The following UTRN variants were observed in gnomAD, a reference collection of about 807,000 sequenced individuals.
UTRN encodes dystrophin-related protein 1.
A neutral mutation model predicts 463.9 loss-of-function variants in UTRN; 283 were observed. The observed-to-expected ratio is 0.61, with a 90% CI of 0.55 to 0.67. The LOEUF is 0.67. Among genes scored for constraint, UTRN ranks in the 30% least tolerant of loss-of-function variants. The probability of loss-of-function intolerance (pLI) is 0.00; values close to 1 mark genes in which losing one functional copy is unlikely to be tolerated. For synonymous variants in UTRN, 1,442 were observed against 1,431.5 expected (o/e 1.01, Z -0.17); for missense variants, 3,922 against 4,084.3 (o/e 0.96, Z 1.08).
intron 32 of UTRN, among the ~76,000 whole-genome samples, chr6:144,492,700 A>G (rs530770632): frequency 6.6e-6 from 1 of 152,292 alleles, no homozygotes; most frequent in Non-Finnish European, 1.5e-5. Context: ...TGACTTTTTA[A>G]TAATGGTCAT....
intron 55 of UTRN, among the ~76,000 whole-genome samples, chr6:144,750,989 G>A (rs1182871377): frequency 6.6e-6 from 1 of 152,068 alleles, no homozygotes; most frequent in Non-Finnish European, 1.5e-5. Flanking sequence ...CACTCTTCCT[G>A]CCCAAGCCCT....
At chr6:144,597,373 A>G (rs1338261056) in intron 51 of UTRN, among the ~76,000 whole-genome samples, 1 of 152,222 alleles carries the variant, frequency 6.6e-6, no homozygotes, top group Non-Finnish European at 1.5e-5. Flanking sequence ...AAAGCTAGGC[A>G]TGCCTACTAT....
chr6:144,718,200 G>C (rs1786719258), intron 53 of UTRN, among the ~76,000 whole-genome samples: 1 of 152,094 alleles, frequency 6.6e-6, no homozygotes, highest in African/African-American at 2.4e-5. Flanking sequence ...GCTGGGAGTG[G>C]TGCTCACACC....
chr6:144,824,928 A>T (rs1371251201), intron 66 of UTRN, among the ~76,000 whole-genome samples: 1 of 151,962 alleles, frequency 6.6e-6, no homozygotes, highest in African/African-American at 2.4e-5. Flanking sequence ...GACTATAGGC[A>T]TCATGACACC....
At chr6:144,592,674 A>G (rs971050484) in intron 51 of UTRN, among the ~76,000 whole-genome samples, 3 of 152,132 alleles carry the variant, frequency 2.0e-5, no homozygotes, top group African/African-American at 4.8e-5. Flanking sequence ...CAGCCAATGA[A>G]AAGCTTTTGA....
chr6:144,560,161 A>C (rs1799735569), intron 50 of UTRN, among the ~76,000 whole-genome samples: 1 of 152,210 alleles, frequency 6.6e-6, no homozygotes, highest in Non-Finnish European at 1.5e-5. Context: ...TGAAGTACAG[A>C]GAAGTTAAGG....
chr6:144,408,752 T>G (rs1783633381), intron 3 of UTRN, among the ~76,000 whole-genome samples: 1 of 152,256 alleles, frequency 6.6e-6, no homozygotes, highest in African/African-American at 2.4e-5. Flanking sequence ...GTTTTCCTAC[T>G]TTTTTCATGT....
chr6:144,543,973 C>CA (rs1798195073), intron 46 of UTRN, among the ~76,000 whole-genome samples: 1 of 152,120 alleles, frequency 6.6e-6, no homozygotes, highest in Non-Finnish European at 1.5e-5. Context: ...TGCTGCTTTG[C>CA]AAATACAGGC....
intron 51 of UTRN, among the ~76,000 whole-genome samples, chr6:144,622,265 C>G (rs986283714): frequency 6.9e-6 from 1 of 145,460 alleles, no homozygotes; most frequent in Non-Finnish European, 1.5e-5. Flanking sequence ...TCACTGCCAC[C>G]TCCGCCTCCC....
intron 1 of UTRN, among the ~76,000 whole-genome samples, chr6:144,288,321 A>G (rs1412346617): frequency 6.6e-6 from 1 of 152,250 alleles, no homozygotes; most frequent in Non-Finnish European, 1.5e-5. Flanking sequence ...GATAATGGGC[A>G]AATGGAATAA....
rs560581181 is a variant in UTRN, at chr6:144,347,837, G to GTTTTTTTTTTTTTT, written c.80-55274_80-55273insTTTTTTTTTTTTTT. 2.0e-3 allele frequency among the ~76,000 whole-genome samples: 261 copies of GTTTTTTTTTTTTTT among 128,864 alleles called. 24 individuals are homozygous for GTTTTTTTTTTTTTT. Among genetic ancestry groups the GTTTTTTTTTTTTTT allele is most frequent in the African/African-American group, 7.9e-3 (232 of 29,442 alleles). The allele number at this position is 128,864 out of a possible 152,430, so 84.5% of individuals were successfully genotyped here. On this transcript the variant is annotated intron_variant, in intron 2 of 74. Coordinates refer to ENST00000367545, the MANE Select transcript of UTRN (RefSeq NM_007124.3). The stretch of plus-strand genomic sequence containing the variant: ...TCTCCTGAACTGTGGCTTATTCTTT[G>GTTTTTTTTTTTTTT]TTTTTTTTTTTTGTTTTTTTTTTTG...
rs150327861 is a variant in UTRN at position 144,707,528 on chromosome 6, A to G, written c.7809+7285A>G. Among the ~76,000 whole-genome samples the G allele has an allele frequency of 2.0e-3, 297 of 152,290 alleles. 3 individuals carry two copies. The highest frequency in any genetic ancestry group is 6.9e-3 in the African/African-American group (287 of 41,544). On this transcript the variant is annotated intron_variant, in intron 53 of 74. Transcript: ENST00000367545. ...CTATTAATTGAAAGAATTGGTATAG[A>G]TCAGTTGTTTTCAATTCTGGCTGCA...
At chr6:144,689,528 A>G (rs1267795054) in intron 52 of UTRN, among the ~76,000 whole-genome samples, 1 of 152,138 alleles carries the variant, frequency 6.6e-6, no homozygotes, top group African/African-American at 2.4e-5. Context: ...AGGAGGAGGA[A>G]TCCCTGAGGG....
chr6:144,626,568 A>G (rs1775962499), intron 51 of UTRN, among the ~76,000 whole-genome samples: 1 of 152,240 alleles, frequency 6.6e-6, no homozygotes, highest in Admixed American at 6.5e-5. Context: ...GCACATGTCC[A>G]CAGCTGCCTA....
chr6:144,767,988 C>G (rs1273636679), intron 58 of UTRN, among the ~76,000 whole-genome samples: 1 of 152,164 alleles, frequency 6.6e-6, no homozygotes, highest in Non-Finnish European at 1.5e-5. Context: ...GCCTTCTGAT[C>G]ATCCTTTAAG....
chr6:144,676,093 A>G (rs1317212198), intron 51 of UTRN, among the ~76,000 whole-genome samples: 1 of 151,994 alleles, frequency 6.6e-6, no homozygotes, highest in Non-Finnish European at 1.5e-5. Context: ...AGATATAAAT[A>G]AATTATTGAA....
chr6:144,533,797 TC>T (rs1366518699), intron 43 of UTRN, among the ~76,000 whole-genome samples: 1 of 151,942 alleles, frequency 6.6e-6, no homozygotes, highest in Non-Finnish European at 1.5e-5. Flanking sequence ...TATTTGGGCA[TC>T]TTCCAGTTGC....
At position 144,594,070 on chromosome 6, in the gene UTRN, G is replaced by C. The variant is rs1289628199; in HGVS notation, c.7479+16782G>C. Among the ~76,000 whole-genome samples the C allele has an allele frequency of 2.1e-4, 32 of 152,156 alleles. 1 individual carries two copies. Among genetic ancestry groups the C allele is most frequent in the Admixed American group, 2.1e-3 (32 of 15,276 alleles). ...TATACTTTTATGTTATGACTTAGTT[G>C]ATGAGGGAATTACACAATATTTCAA... On this transcript the variant is annotated intron_variant, in intron 51 of 74. Coordinates refer to ENST00000367545, the MANE Select transcript of UTRN (RefSeq NM_007124.3).
chr6:144,401,980 C>T (rs1046572796), intron 2 of UTRN, among the ~76,000 whole-genome samples: 3 of 152,174 alleles, frequency 2.0e-5, no homozygotes, highest in Admixed American at 6.5e-5. Flanking sequence ...CCTTTCTGCA[C>T]TGTCGCAGAT....
Sources: gnomAD v4.1 joint callset for allele counts (sites outside exome capture counted in the v4.1 genomes callset) on GRCh38, gnomAD v4.1.1 for gene constraint, MANE v1.5 for transcripts, NCBI Gene and HGNC (gene_info 2026-07-23, HGNC 2026-07-21) for gene names.